ERBB4: variants seen among roughly 807,000 people sequenced by gnomAD.
ERBB4 encodes the protein erb-b2 receptor tyrosine kinase 4.
Under a neutral mutation model 158.0 loss-of-function variants are expected in ERBB4, and 42 were observed. The observed-to-expected ratio is 0.27, with a 90% CI of 0.21 to 0.34. ERBB4 has a LOEUF of 0.34. ERBB4 is among the 10% of genes least tolerant of loss of function. The probability of loss-of-function intolerance (pLI) is 1.00; values close to 1 mark genes in which losing one functional copy is unlikely to be tolerated. For missense variants in ERBB4, 1,333 were observed against 1,624.1 expected (o/e 0.82, Z 3.08); for synonymous variants, 583 against 558.7 (o/e 1.04, Z -0.61).
At chr2:211,708,982 C>T (rs2073564049) in intron 9 of ERBB4, among the ~76,000 whole-genome samples, 1 of 151,894 alleles carries the variant, frequency 6.6e-6, no homozygotes, top group Non-Finnish European at 1.5e-5. Context: ...ACTTGGTTTA[C>T]CTTTCTACTT....
intron 2 of ERBB4, among the ~76,000 whole-genome samples, chr2:211,958,168 A>C (rs1461186471): frequency 6.6e-6 from 1 of 152,104 alleles, no homozygotes; most frequent in African/African-American, 2.4e-5. Flanking sequence ...GCACAGCCTT[A>C]ATTAATTTAT....
chr2:211,480,567 T>C (rs1405144171), intron 20 of ERBB4, among the ~76,000 whole-genome samples: 1 of 152,124 alleles, frequency 6.6e-6, no homozygotes, highest in Non-Finnish European at 1.5e-5. Context: ...GTACAAGCCA[T>C]GGAAATGTGA....
intron 20 of ERBB4, among the ~76,000 whole-genome samples, chr2:211,506,873 G>A (rs1228668012): frequency 6.6e-6 from 1 of 151,992 alleles, no homozygotes; most frequent in Admixed American, 6.6e-5. Context: ...AAAAATTAGA[G>A]CAGAACTAAA....
At chr2:212,404,795 T>A (rs542453630) in intron 1 of ERBB4, among the ~76,000 whole-genome samples, 1 of 151,974 alleles carries the variant, frequency 6.6e-6, no homozygotes, top group Admixed American at 6.6e-5. Context: ...CTCCTCTCCC[T>A]CCTCCCACTC....
At position 211,545,719 on chromosome 2, in the gene ERBB4, C is replaced by T. The variant is rs530196661; in HGVS notation, c.2487+16184G>A. ...GCTTGCTTGGGGCGATAATCATTAG[C>T]GTTCCTAGTTCCAGTTCTTGCCAGG... On this transcript the variant is annotated intron_variant, in intron 20 of 27. Transcript: ENST00000342788. Among the ~76,000 whole-genome samples, 13 of 152,084 alleles carry T rather than the reference C, an allele frequency of 8.5e-5. 1 individual carries two copies. In the East Asian group the frequency reaches 1.5e-3, roughly 18 times the overall value.
intron 20 of ERBB4, among the ~76,000 whole-genome samples, chr2:211,432,012 A>G (rs1389921562): frequency 6.6e-6 from 1 of 152,224 alleles, no homozygotes; most frequent in Non-Finnish European, 1.5e-5. Context: ...ATGTTTAACA[A>G]AAGAACTTAT....
At chr2:211,719,239 A>G (rs1042426600) in intron 7 of ERBB4, among the ~76,000 whole-genome samples, 17 of 152,206 alleles carry the variant, frequency 1.1e-4, no homozygotes, top group African/African-American at 4.1e-4. Context: ...ATTCAGAGCG[A>G]CTTCTGCAAT....
intron 4 of ERBB4, among the ~76,000 whole-genome samples, chr2:211,760,875 A>T (rs7582099): frequency 0.31 from 47,139 of 152,062 alleles, 7,431 homozygotes; most frequent in South Asian, 0.44. Flanking sequence ...TCACAACAAC[A>T]TGATAGCATA....
At chr2:212,039,666 T>C (rs150224410) in intron 2 of ERBB4, among the ~76,000 whole-genome samples, 1 of 152,230 alleles carries the variant, frequency 6.6e-6, no homozygotes, top group African/African-American at 2.4e-5. Flanking sequence ...AACCATTTTA[T>C]ATGTATTTTT....
intron 19 of ERBB4, among the ~76,000 whole-genome samples, chr2:211,579,552 T>A (rs79996037): frequency 1.3e-5 from 2 of 152,140 alleles, no homozygotes; most frequent in African/African-American, 4.8e-5. Flanking sequence ...TCAACCCAAA[T>A]GCCTATCAAT....
At chr2:212,132,785 G>A (rs2080145796) in intron 1 of ERBB4, among the ~76,000 whole-genome samples, 1 of 151,926 alleles carries the variant, frequency 6.6e-6, no homozygotes, top group Admixed American at 6.6e-5. Flanking sequence ...ATGTGTGTGT[G>A]CGCGCTATAT....
chr2:211,686,999 T>G (rs1333303384), intron 12 of ERBB4, among the ~76,000 whole-genome samples: 2 of 151,838 alleles, frequency 1.3e-5, no homozygotes, highest in African/African-American at 4.8e-5. Flanking sequence ...AGAGTTGGGT[T>G]AAAACCCAAT....
At chr2:212,088,952 G>C (rs912100204) in intron 2 of ERBB4, among the ~76,000 whole-genome samples, 13 of 152,062 alleles carry the variant, frequency 8.5e-5, no homozygotes, top group African/African-American at 3.1e-4. Flanking sequence ...TCTAGGAAAA[G>C]ATGAGGGGGA....
intron 12 of ERBB4, among the ~76,000 whole-genome samples, chr2:211,689,837 G>A (rs1365309193): frequency 6.6e-6 from 1 of 151,946 alleles, no homozygotes; most frequent in Non-Finnish European, 1.5e-5. Flanking sequence ...AAATCCTGAA[G>A]AGGGAAAGTT....
At chr2:211,508,630 A>G (rs1433790035) in intron 20 of ERBB4, among the ~76,000 whole-genome samples, 1 of 152,192 alleles carries the variant, frequency 6.6e-6, no homozygotes, top group Non-Finnish European at 1.5e-5. Flanking sequence ...TACTGGGTAT[A>G]TACCCAAAGG....
chr2:211,679,165 G>A lies in ERBB4; in HGVS notation c.1509C>T (p.Cys503=), dbSNP rs2105960170. ...AENCTAEGMV[C]NHLCSSDGCW... ...AGCCATCACTGGAACACAGATGGTT[G>A]CACACCATTCCTTCAGCAGCTGTGA... The change falls in exon 13 of 28, where the codon TGC becomes TGT. Residue 503 remains cysteine, a synonymous_variant. Transcript: ENST00000342788. 1 of 1,613,754 alleles carries A rather than the reference G, an allele frequency of 6.2e-7. No individual in the cohort carries two copies. Among genetic ancestry groups the A allele is most frequent in the Non-Finnish European group, 8.5e-7 (1 of 1,179,780 alleles).
At chr2:212,339,113 T>G (rs1466016145) in intron 1 of ERBB4, among the ~76,000 whole-genome samples, 1 of 152,132 alleles carries the variant, frequency 6.6e-6, no homozygotes, top group East Asian at 1.9e-4. Flanking sequence ...AACCATCACT[T>G]ACATATTAAG....
chr2:212,422,175 T>A (rs1320104463), intron 1 of ERBB4, among the ~76,000 whole-genome samples: 1 of 152,178 alleles, frequency 6.6e-6, no homozygotes, highest in Non-Finnish European at 1.5e-5. Context: ...ATTTCCTGAA[T>A]GCTGGTGAAT....
intron 1 of ERBB4, among the ~76,000 whole-genome samples, chr2:212,428,187 T>C (rs906984762): frequency 3.3e-5 from 5 of 152,178 alleles, no homozygotes; most frequent in African/African-American, 1.2e-4. Context: ...GAATTTTATA[T>C]ACAGGAAATG....
Sources: allele counts gnomAD v4.1 joint callset (sites outside exome capture counted in the v4.1 genomes callset), GRCh38; gene constraint gnomAD v4.1.1; transcripts MANE v1.5; gene names NCBI Gene and HGNC (gene_info 2026-07-23, HGNC 2026-07-21).